The following DIAPH3 variants were observed in gnomAD, a reference collection of about 807,000 sequenced individuals.
DIAPH3 encodes protein diaphanous homolog 3.
In DIAPH3, 117 loss-of-function variants were observed where a neutral mutation model predicts 144.3. The observed-to-expected ratio is 0.81, with a 90% CI of 0.70 to 0.95. DIAPH3 has a LOEUF of 0.95. Among genes scored for constraint, DIAPH3 ranks in the 40% least tolerant of loss-of-function variants. The probability of loss-of-function intolerance (pLI) is 0.00; values close to 1 mark genes in which losing one functional copy is unlikely to be tolerated. For synonymous variants in DIAPH3, 519 were observed against 488.9 expected (o/e 1.06, Z -0.81); for missense variants, 1,421 against 1,412.7 (o/e 1.01, Z -0.09).
At chr13:60,074,613 C>T (rs1173623738) in intron 4 of DIAPH3, among the ~76,000 whole-genome samples, 2 of 152,190 alleles carry the variant, frequency 1.3e-5, no homozygotes, top group African/African-American at 4.8e-5. Context: ...GTTTCTCCAG[C>T]CCTAGTGCAA....
At chr13:59,807,320 A>G (rs572672025) in intron 25 of DIAPH3, among the ~76,000 whole-genome samples, 4 of 151,986 alleles carry the variant, frequency 2.6e-5, no homozygotes, top group Non-Finnish European at 5.9e-5. Flanking sequence ...TCCCTAGATT[A>G]TTTTAAATCC....
chr13:60,043,222 C>A (rs1213641005), intron 4 of DIAPH3, among the ~76,000 whole-genome samples: 1 of 152,138 alleles, frequency 6.6e-6, no homozygotes, highest in Non-Finnish European at 1.5e-5. Flanking sequence ...GGTATTAATT[C>A]ATTCAACTAT....
intron 5 of DIAPH3, among the ~76,000 whole-genome samples, chr13:60,020,478 C>T (rs2053940149): frequency 6.6e-6 from 1 of 152,194 alleles, no homozygotes; most frequent in African/African-American, 2.4e-5. Flanking sequence ...AGCAATCCTC[C>T]TGCCTCAGCC....
chr13:60,113,447 G>A (rs551059085), intron 2 of DIAPH3, among the ~76,000 whole-genome samples: 39 of 152,140 alleles, frequency 2.6e-4, no homozygotes, highest in African/African-American at 9.4e-4. Flanking sequence ...TTTCAAAATA[G>A]GTTTCTAAAT....
At chr13:59,745,821 A>G (rs1353606765) in intron 27 of DIAPH3, among the ~76,000 whole-genome samples, 1 of 152,256 alleles carries the variant, frequency 6.6e-6, no homozygotes, top group East Asian at 1.9e-4. Context: ...ATTATTTTTT[A>G]AACAAAGAAA....
At position 59,918,317 on chromosome 13, in the gene DIAPH3, A is replaced by G. The variant is rs530497239; in HGVS notation, c.2171-2068T>C. ...GCTAACAACAAATCTACCAGTATAA[A>G]ATGCTCATGGACTCTGATTCCTGAC... On this transcript the variant is annotated intron_variant, in intron 18 of 27. Coordinates refer to ENST00000400324, the MANE Select transcript of DIAPH3 (RefSeq NM_001042517.2). 2.6e-5 allele frequency among the ~76,000 whole-genome samples: 4 copies of G among 152,134 alleles called. No homozygotes were observed. In the South Asian group the frequency reaches 8.3e-4, roughly 32 times the overall value.
At chr13:59,762,023 C>G (rs1330232550) in intron 27 of DIAPH3, among the ~76,000 whole-genome samples, 4 of 138,704 alleles carry the variant, frequency 2.9e-5, no homozygotes, top group African/African-American at 1.1e-4. Flanking sequence ...GGAGAGAGAA[C>G]AGAGCACCCA....
intron 8 of DIAPH3, 131 bp downstream of exon 8, chr13:60,010,402 G>C: frequency 1.0e-6 from 1 of 957,696 alleles, no homozygotes; most frequent in East Asian, 2.7e-5. Context: ...AACTATATTA[G>C]CTGCTTAAAT....
intron 1 of DIAPH3, among the ~76,000 whole-genome samples, chr13:60,161,537 G>A (rs1952288965): frequency 6.6e-6 from 1 of 152,202 alleles, no homozygotes; most frequent in East Asian, 1.9e-4. Flanking sequence ...CAGTTCAACA[G>A]GAAGGTGGTC....
chr13:59,906,593 A>G (rs1055915793), intron 20 of DIAPH3, among the ~76,000 whole-genome samples: 1 of 152,204 alleles, frequency 6.6e-6, no homozygotes, highest in Non-Finnish European at 1.5e-5. Flanking sequence ...CCTCAGCTGC[A>G]CAAAGTTTAA....
chr13:60,156,939 A>ATATATATATATAT (rs1337230427), intron 1 of DIAPH3, among the ~76,000 whole-genome samples: 2 of 82,070 alleles, frequency 2.4e-5, no homozygotes, highest in Non-Finnish European at 4.6e-5. Flanking sequence ...ATATATATAT[A>ATATATATATATAT]TTTTTTTTTT....
At chr13:59,700,318 TC>T (rs1312187879) in intron 27 of DIAPH3, among the ~76,000 whole-genome samples, 2 of 152,178 alleles carry the variant, frequency 1.3e-5, no homozygotes, top group Non-Finnish European at 2.9e-5. Context: ...GGTGGGGACT[TC>T]CTGTTTGGAG....
At chr13:59,804,481 G>A (rs1008209794) in intron 25 of DIAPH3, among the ~76,000 whole-genome samples, 13 of 152,016 alleles carry the variant, frequency 8.6e-5, no homozygotes, top group African/African-American at 1.2e-4. Flanking sequence ...TAAACTTTTC[G>A]ACATATAAAA....
chr13:60,108,601 G>C (rs1252518216), intron 3 of DIAPH3, among the ~76,000 whole-genome samples: 4 of 151,356 alleles, frequency 2.6e-5, no homozygotes, highest in Admixed American at 6.6e-5. Context: ...GCAAGACTCC[G>C]TCTCGAAAAA....
At chr13:59,992,407 T>G (rs2051884039) in intron 10 of DIAPH3, 66 bp downstream of exon 10, 1 of 1,341,150 alleles carries the variant, frequency 7.5e-7, no homozygotes, top group African/African-American at 1.5e-5. Context: ...GTAATTTATC[T>G]AAATTTCCCC....
At chr13:59,753,768 A>T (rs537552149) in intron 27 of DIAPH3, among the ~76,000 whole-genome samples, 7 of 152,320 alleles carry the variant, frequency 4.6e-5, no homozygotes, top group African/African-American at 1.4e-4. Flanking sequence ...ATATATTAAG[A>T]TCAAACAAAA....
chr13:59,872,255 C>T, intron 21 of DIAPH3, among the ~76,000 whole-genome samples: 1 of 152,010 alleles, frequency 6.6e-6, no homozygotes, highest in East Asian at 1.9e-4. Flanking sequence ...TCGAACAAAA[C>T]TTTATAAGTT....
At chr13:59,740,891 C>A (rs771055777) in intron 27 of DIAPH3, among the ~76,000 whole-genome samples, 23 of 152,102 alleles carry the variant, frequency 1.5e-4, no homozygotes, top group Non-Finnish European at 2.9e-4. Flanking sequence ...GCATGAAGGC[C>A]ATTTTCTCAA....
intron 27 of DIAPH3, among the ~76,000 whole-genome samples, chr13:59,707,010 T>C (rs944804603): frequency 3.3e-5 from 5 of 152,196 alleles, no homozygotes; most frequent in African/African-American, 1.2e-4. Context: ...TTAACTATGA[T>C]TATATTATTA....
Sources: allele counts gnomAD v4.1 joint callset (sites outside exome capture counted in the v4.1 genomes callset), GRCh38; gene constraint gnomAD v4.1.1; transcripts MANE v1.5; gene names NCBI Gene and HGNC (gene_info 2026-07-23, HGNC 2026-07-21).